The following ACOXL variants were observed in gnomAD, a reference collection of about 807,000 sequenced individuals.
ACOXL encodes the protein acyl-CoA oxidase like.
A neutral mutation model predicts 71.9 loss-of-function variants in ACOXL; 70 were observed. That is an observed-to-expected ratio of 0.97 (90% CI 0.80 to 1.19). The LOEUF (loss-of-function observed/expected upper bound fraction) is 1.19, where lower values mean the gene tolerates loss of function less well. ACOXL is among the 50% of genes most tolerant of loss of function. ACOXL has a pLI of 0.00. For synonymous variants in ACOXL, 253 were observed against 281.6 expected (o/e 0.90, Z 1.02); for missense variants, 703 against 736.3 (o/e 0.95, Z 0.52).
chr2:110,788,984 T>G (rs1033267843), intron 3 of ACOXL, among the ~76,000 whole-genome samples: 1 of 152,226 alleles, frequency 6.6e-6, no homozygotes, highest in African/African-American at 2.4e-5. Flanking sequence ...GGAAGGGACG[T>G]CAGCATCAAT....
chr2:110,828,277 TC>T lies in ACOXL; in HGVS notation c.754-13092del, dbSNP rs1482340094. Reference sequence around the variant, plus strand: ...ATGAGTCACTATGCTCAGCCTATTTTCCTATTGTTAGTAGATATTTACATTA... The same window carrying T: ...ATGAGTCACTATGCTCAGCCTATTTTCTATTGTTAGTAGATATTTACATTA... On this transcript the variant is annotated intron_variant, in intron 9 of 17. Transcript: ENST00000439055. Among the ~76,000 whole-genome samples, 13 of 152,344 alleles carry T rather than the reference TC, an allele frequency of 8.5e-5. 1 individual carries two copies. Among genetic ancestry groups the T allele is most frequent in the South Asian group, 8.3e-4 (4 of 4,822 alleles).
intron 8 of ACOXL, 143 bp from the exon 9 acceptor site, chr2:110,805,120 A>G (rs1485877131): frequency 1.2e-5 from 13 of 1,087,766 alleles, no homozygotes; most frequent in Non-Finnish European, 1.7e-5. Context: ...CCCTGCCCTT[A>G]TCGGCGCTCT....
chr2:110,851,125 A>G (rs1344626649), intron 10 of ACOXL, among the ~76,000 whole-genome samples: 2 of 152,228 alleles, frequency 1.3e-5, no homozygotes, highest in Admixed American at 6.5e-5. Context: ...AGTTGACTAG[A>G]AAGCAAAGTG....
chr2:110,961,790 G>A (rs1409154317), intron 12 of ACOXL, among the ~76,000 whole-genome samples: 1 of 152,182 alleles, frequency 6.6e-6, no homozygotes, highest in Non-Finnish European at 1.5e-5. Flanking sequence ...TGGAGGAAGA[G>A]CAAAGTCACG....
At chr2:110,967,577 A>C (rs1228932285) in intron 12 of ACOXL, among the ~76,000 whole-genome samples, 1 of 152,240 alleles carries the variant, frequency 6.6e-6, no homozygotes, top group African/African-American at 2.4e-5. Flanking sequence ...CTGTGATGAG[A>C]TATATTACAA....
chr2:110,828,621 A>G (rs777136353), intron 9 of ACOXL, among the ~76,000 whole-genome samples: 39 of 152,220 alleles, frequency 2.6e-4, no homozygotes, highest in Admixed American at 6.5e-4. Context: ...TGCGTACGTC[A>G]TCTCATCAGC....
intron 12 of ACOXL, 42 bp downstream of exon 12, chr2:110,933,684 C>A: frequency 6.3e-7 from 1 of 1,575,680 alleles, no homozygotes; most frequent in Non-Finnish European, 8.6e-7. Context: ...CCCCACGATA[C>A]AACCCACACT....
Position 110,756,857 on chromosome 2 carries a change from A to T in ACOXL, c.-22-11511A>T, listed in dbSNP as rs897533043. 3.3e-5 allele frequency among the ~76,000 whole-genome samples: 5 copies of T among 152,058 alleles called. No individual in the cohort carries two copies. The South Asian group carries it at 6.2e-4, about 19-fold the overall frequency. On this transcript the variant is annotated intron_variant, in intron 1 of 17. Coordinates refer to ENST00000439055, the MANE Select transcript of ACOXL (RefSeq NM_001142807.4). ...TTAAGGCCTTATCACACATCTTTTTAAAAAAAATTTTACGGGAGATTTGCC... is the reference window on the plus strand; with the variant it reads ...TTAAGGCCTTATCACACATCTTTTTTAAAAAAATTTTACGGGAGATTTGCC...
chr2:110,935,030 T>C (rs1328981883), intron 12 of ACOXL, among the ~76,000 whole-genome samples: 1 of 152,020 alleles, frequency 6.6e-6, no homozygotes. Context: ...TGGCTGTCCC[T>C]TCAGTGAGCA....
At chr2:110,909,032 T>C (rs550957510) in intron 11 of ACOXL, 127 bp downstream of exon 11, 1 of 691,478 alleles carries the variant, frequency 1.4e-6, no homozygotes, top group African/African-American at 1.8e-5. Flanking sequence ...GTTGTTAAAA[T>C]CGGATGCCCA....
intron 16 of ACOXL, among the ~76,000 whole-genome samples, chr2:111,050,705 G>C (rs921860174): frequency 6.6e-6 from 1 of 152,302 alleles, no homozygotes; most frequent in African/African-American, 2.4e-5. Flanking sequence ...CATCTCAGAG[G>C]CATTTTGGGG....
chr2:110,906,034 A>T lies in ACOXL; in HGVS notation c.789-2755A>T, dbSNP rs146236069. On this transcript the variant is annotated intron_variant, in intron 10 of 17. Transcript: ENST00000439055. ...TGGCACCGCTACAAGGTGTGCCTCCATTGGGAAACTGAGGCACAACAGGTC... is the reference window on the plus strand; with the variant it reads ...TGGCACCGCTACAAGGTGTGCCTCCTTTGGGAAACTGAGGCACAACAGGTC... Among the ~76,000 whole-genome samples the T allele has an allele frequency of 2.1e-3, 320 of 152,262 alleles. 2 individuals are homozygous for T. The highest frequency in any genetic ancestry group is 7.2e-3 in the African/African-American group (297 of 41,536).
chr2:111,017,385 A>G (rs1574494707), intron 14 of ACOXL, among the ~76,000 whole-genome samples: 1 of 152,228 alleles, frequency 6.6e-6, no homozygotes, highest in East Asian at 1.9e-4. Flanking sequence ...GGGACCCCAG[A>G]AAGTTGTCAG....
rs569819911 is a variant in ACOXL, at chr2:110,862,205, A to C, written c.788+20800A>C. ...CAGACAACCTGAAGGTCTCAGCCAC[A>C]TGCGACATTGGGAAAGCTGGTGCTT... On this transcript the variant is annotated intron_variant, in intron 10 of 17. Transcript: ENST00000439055. 1.8e-4 allele frequency among the ~76,000 whole-genome samples: 28 copies of C among 152,292 alleles called. No individual in the cohort carries two copies. The East Asian group carries it at 5.4e-3, about 29-fold the overall frequency.
chr2:110,961,350 T>C (rs2061693735), intron 12 of ACOXL, among the ~76,000 whole-genome samples: 1 of 152,246 alleles, frequency 6.6e-6, no homozygotes, highest in African/African-American at 2.4e-5. Flanking sequence ...AAAACATTTT[T>C]GTGCTCCCAG....
intron 12 of ACOXL, among the ~76,000 whole-genome samples, chr2:110,941,493 T>A (rs552802604): frequency 2.6e-4 from 40 of 152,300 alleles, no homozygotes; most frequent in Admixed American, 2.4e-3. Context: ...AGAAAAAAAA[T>A]TATTTCTGGG....
intron 12 of ACOXL, among the ~76,000 whole-genome samples, chr2:110,961,562 A>G (rs1177329831): frequency 1.3e-5 from 2 of 151,136 alleles, no homozygotes; most frequent in African/African-American, 2.5e-5. Context: ...AAATGCTCAG[A>G]AAAAAAACAC....
intron 10 of ACOXL, among the ~76,000 whole-genome samples, chr2:110,891,638 G>T (rs749350019): frequency 6.6e-6 from 1 of 151,864 alleles, no homozygotes; most frequent in Admixed American, 6.6e-5. Flanking sequence ...TCCTCCATTT[G>T]CTGTATGCCT....
chr2:110,922,103 G>T (rs1302484341), intron 11 of ACOXL, among the ~76,000 whole-genome samples: 1 of 152,178 alleles, frequency 6.6e-6, no homozygotes, highest in Non-Finnish European at 1.5e-5. Context: ...CTGCTTACGT[G>T]TTTTATCAAT....
Sources: allele counts gnomAD v4.1 joint callset (sites outside exome capture counted in the v4.1 genomes callset), GRCh38; gene constraint gnomAD v4.1.1; transcripts MANE v1.5; gene names NCBI Gene and HGNC (gene_info 2026-07-23, HGNC 2026-07-21).